CLNK: variants seen among roughly 807,000 people sequenced by gnomAD.
CLNK encodes the protein cytokine dependent hematopoietic cell linker.
Under a neutral mutation model 68.6 loss-of-function variants are expected in CLNK, and 74 were observed. The ratio of observed to expected loss-of-function variants is 1.08; its 90% CI spans 0.89 to 1.31. The LOEUF (loss-of-function observed/expected upper bound fraction) is 1.31. Among genes scored for constraint, CLNK ranks in the 50% most tolerant of loss-of-function variants. The probability of loss-of-function intolerance (pLI) is 0.00; values close to 1 mark genes in which losing one functional copy is unlikely to be tolerated. For missense variants in CLNK, 553 were observed against 515.3 expected (o/e 1.07, Z -0.71); for synonymous variants, 198 against 172.2 (o/e 1.15, Z -1.17).
At position 10,564,743 on chromosome 4, in the gene CLNK, G is replaced by A. The variant is rs766855358; in HGVS notation, c.327C>T (p.Pro109=). ...TAGAGGTCCTGGTGTCTAACGGAAG[G>A]GGAGTGTCCATTGCAACCTTGAAAT... ...THYFKVAMDT[P]LPLDTRTSIS... is the part of the protein sequence containing the mutation. The change falls in exon 7 of 19, where the codon CCC becomes CCT. Residue 109 remains proline, a synonymous_variant. Transcript: ENST00000226951. 41 of 1,613,416 alleles carry A rather than the reference G, an allele frequency of 2.5e-5. No individual in the cohort carries two copies. The highest frequency in any genetic ancestry group is 2.2e-4 in the Admixed American group (13 of 60,008).
chr4:10,641,131 C>T (rs1342561512), intron 2 of CLNK, among the ~76,000 whole-genome samples: 1 of 152,122 alleles, frequency 6.6e-6, no homozygotes. Flanking sequence ...ATGATTTCGA[C>T]CCTTAAGTAG....
chr4:10,509,202 T>A (rs1199122838), intron 16 of CLNK, among the ~76,000 whole-genome samples: 1 of 151,080 alleles, frequency 6.6e-6, no homozygotes, highest in Non-Finnish European at 1.5e-5. Flanking sequence ...TCATTTGGAG[T>A]CTGTGGTCCA....
Position 10,489,227 on chromosome 4 carries a change from T to G in CLNK, c.*1240A>C, listed in dbSNP as rs1716463956. ...TCAATAGCTACTTCGAGCCTCTGTTTCCTCATCTTTATTGTAAAACAATAA... is the reference window on the plus strand; with the variant it reads ...TCAATAGCTACTTCGAGCCTCTGTTGCCTCATCTTTATTGTAAAACAATAA... On this transcript the variant is annotated 3_prime_UTR_variant, in exon 19 of 19. Coordinates refer to ENST00000226951, the MANE Select transcript of CLNK (RefSeq NM_052964.4). The G allele has an allele frequency of 6.6e-6, 1 of 152,192 alleles. No homozygotes were observed. Among genetic ancestry groups the G allele is most frequent in the African/African-American group, 2.4e-5 (1 of 41,444 alleles). 9.4% of individuals were successfully genotyped at this position (152,192 alleles called of 1,614,324 possible). A position where few individuals can be genotyped will look rare whatever the true frequency, so the allele number is the denominator to read the frequency against.
At chr4:10,616,769 T>C (rs939566842) in intron 2 of CLNK, among the ~76,000 whole-genome samples, 2 of 127,456 alleles carry the variant, frequency 1.6e-5, no homozygotes, top group Admixed American at 1.8e-4. Context: ...TAAAGTTGTG[T>C]GTGTATATAT....
chr4:10,716,658 G>C, the CLNK span, among the ~76,000 whole-genome samples: 1 of 149,624 alleles, frequency 6.7e-6, no homozygotes. Flanking sequence ...AAAGGAATAG[G>C]AAAGAGGCAG....
At chr4:10,522,115 G>A (rs1017935489) in intron 14 of CLNK, among the ~76,000 whole-genome samples, 11 of 151,862 alleles carry the variant, frequency 7.2e-5, no homozygotes, top group South Asian at 2.1e-4. Flanking sequence ...AAAATTAGCC[G>A]GGCATGGTGG....
At chr4:10,629,309 C>G (rs140315986) in intron 2 of CLNK, among the ~76,000 whole-genome samples, 1 of 152,310 alleles carries the variant, frequency 6.6e-6, no homozygotes, top group East Asian at 1.9e-4. Flanking sequence ...CCTATGCCTG[C>G]CACCCTCACA....
At chr4:10,596,607 A>G (rs143506503) in intron 3 of CLNK, among the ~76,000 whole-genome samples, 180 of 152,346 alleles carry the variant, frequency 1.2e-3, no homozygotes, top group African/African-American at 4.2e-3. Context: ...ATATATCTCA[A>G]ATAGTTTATA....
intron 2 of CLNK, among the ~76,000 whole-genome samples, chr4:10,645,434 T>C (rs942217408): frequency 3.9e-5 from 6 of 152,194 alleles, no homozygotes; most frequent in Admixed American, 6.5e-5. Context: ...GAAATATCCA[T>C]TCCTCTCCTT....
chr4:10,715,989 G>C, the CLNK span, among the ~76,000 whole-genome samples: 1 of 152,186 alleles, frequency 6.6e-6, no homozygotes, highest in Non-Finnish European at 1.5e-5. Context: ...CTTTTCCTGA[G>C]CCTCCGCTGT....
At chr4:10,611,730 G>A (rs1228175158) in intron 2 of CLNK, among the ~76,000 whole-genome samples, 1 of 152,152 alleles carries the variant, frequency 6.6e-6, no homozygotes, top group African/African-American at 2.4e-5. Flanking sequence ...TGCTGCTCCT[G>A]GGGGTGGCTC....
the CLNK span, among the ~76,000 whole-genome samples, chr4:10,715,846 G>A: frequency 6.6e-6 from 1 of 151,976 alleles, no homozygotes; most frequent in Non-Finnish European, 1.5e-5. Flanking sequence ...AGAACATTAC[G>A]GGCAGGAATT....
At chr4:10,557,947 C>T (rs997987702) in intron 8 of CLNK, among the ~76,000 whole-genome samples, 5 of 152,154 alleles carry the variant, frequency 3.3e-5, no homozygotes, top group South Asian at 2.1e-4. Flanking sequence ...ATGCTTCTAG[C>T]ACTACTGAAA....
chr4:10,600,972 T>C (rs1311572304), intron 2 of CLNK, among the ~76,000 whole-genome samples: 2 of 152,242 alleles, frequency 1.3e-5, no homozygotes, highest in African/African-American at 4.8e-5. Context: ...CCCAACAGAC[T>C]GGGAGCTACC....
chr4:10,708,906 C>G, the CLNK span, among the ~76,000 whole-genome samples: 2 of 152,156 alleles, frequency 1.3e-5, no homozygotes, highest in Non-Finnish European at 2.9e-5. Flanking sequence ...ATGCCAGAGA[C>G]TACTTCTATG....
intron 16 of CLNK, among the ~76,000 whole-genome samples, chr4:10,509,391 G>A (rs1290612950): frequency 6.6e-6 from 1 of 152,102 alleles, no homozygotes; most frequent in African/African-American, 2.4e-5. Flanking sequence ...AGACAAAAGT[G>A]CTTGTACTCT....
chr4:10,656,331 C>CAA (rs33941894), intron 2 of CLNK, among the ~76,000 whole-genome samples: 16 of 89,412 alleles, frequency 1.8e-4, no homozygotes, highest in African/African-American at 5.7e-4. Context: ...AATGCCTGAC[C>CAA]AAAAAAAAAA....
intron 2 of CLNK, among the ~76,000 whole-genome samples, chr4:10,641,786 C>T (rs769618822): frequency 9.9e-5 from 15 of 152,126 alleles, no homozygotes; most frequent in East Asian, 7.7e-4. Context: ...ATAATTCTCA[C>T]GTATTGTGGG....
intron 4 of CLNK, among the ~76,000 whole-genome samples, chr4:10,581,214 G>A (rs749060101): frequency 4.6e-5 from 7 of 152,126 alleles, no homozygotes; most frequent in Non-Finnish European, 8.8e-5. Flanking sequence ...CTAGGTTTGT[G>A]TAAGTACATT....
Sources: gnomAD v4.1 joint callset for allele counts (sites outside exome capture counted in the v4.1 genomes callset) on GRCh38, gnomAD v4.1.1 for gene constraint, MANE v1.5 for transcripts, NCBI Gene and HGNC (gene_info 2026-07-23, HGNC 2026-07-21) for gene names.